Variants in ARL15 observed in about 807,000 individuals in gnomAD.
The protein encoded by ARL15 is ADP-ribosylation factor-like protein 15.
Under a neutral mutation model 25.2 loss-of-function variants are expected in ARL15, and 19 were observed. The observed-to-expected ratio is 0.75, with a 90% confidence interval of 0.53 to 1.10. The LOEUF (loss-of-function observed/expected upper bound fraction) is 1.10, where lower values mean the gene tolerates loss of function less well. Among genes scored for constraint, ARL15 ranks in the 50% least tolerant of loss-of-function variants. The pLI is 0.00. For synonymous variants in ARL15, 94 were observed against 86.8 expected (o/e 1.08, Z -0.46); for missense variants, 220 against 246.0 (o/e 0.89, Z 0.71).
At chr5:54,232,198 G>A (rs1196314527) in intron 1 of ARL15, among the ~76,000 whole-genome samples, 2 of 152,086 alleles carry the variant, frequency 1.3e-5, no homozygotes, top group Non-Finnish European at 1.5e-5. Flanking sequence ...TCTGGGATTA[G>A]AGGCCCTCAC....
chr5:54,036,419 T>C (rs1387647995), intron 4 of ARL15, among the ~76,000 whole-genome samples: 1 of 152,148 alleles, frequency 6.6e-6, no homozygotes, highest in Non-Finnish European at 1.5e-5. Flanking sequence ...ATATAGTCCA[T>C]CCAATTTCTA....
chr5:54,027,406 CAGGTGTGATCCCTA>C (rs1232643527), intron 4 of ARL15, among the ~76,000 whole-genome samples: 2 of 152,310 alleles, frequency 1.3e-5, no homozygotes, highest in South Asian at 4.1e-4. Flanking sequence ...TAATGAAATT[CAGGTGTGATCCCTA>C]AGGCTCTGCA....
At chr5:54,011,019 C>A (rs1749224349) in intron 4 of ARL15, among the ~76,000 whole-genome samples, 1 of 148,124 alleles carries the variant, frequency 6.8e-6, no homozygotes. Flanking sequence ...AAAAAAAAAT[C>A]AGCTCTCACA....
intron 3 of ARL15, among the ~76,000 whole-genome samples, chr5:54,127,299 T>A (rs543713793): frequency 1.3e-5 from 2 of 152,170 alleles, no homozygotes; most frequent in Non-Finnish European, 2.9e-5. Context: ...CTCCTTAAGC[T>A]GATAAGCAAC....
At chr5:54,150,653 C>T (rs187642429) in intron 3 of ARL15, among the ~76,000 whole-genome samples, 32 of 151,926 alleles carry the variant, frequency 2.1e-4, no homozygotes, top group Middle Eastern at 3.4e-3. Context: ...CAAAAATTAG[C>T]GACGTGCGGT....
chr5:53,964,183 T>C (rs1246219102), intron 4 of ARL15, among the ~76,000 whole-genome samples: 1 of 152,168 alleles, frequency 6.6e-6, no homozygotes, highest in Admixed American at 6.5e-5. Flanking sequence ...CACTCATTTG[T>C]CATCCCTTTT....
intron 4 of ARL15, among the ~76,000 whole-genome samples, chr5:54,055,515 C>G (rs1452705317): frequency 2.0e-5 from 3 of 152,004 alleles, no homozygotes; most frequent in Non-Finnish European, 2.9e-5. Flanking sequence ...CATATGTCAA[C>G]AAGTCCAGCT....
intron 4 of ARL15, among the ~76,000 whole-genome samples, chr5:54,029,319 A>G (rs1017071096): frequency 8.4e-6 from 1 of 119,476 alleles, no homozygotes; most frequent in Non-Finnish European, 1.7e-5. Context: ...CACCACCACC[A>G]CCACCACCAC....
intron 4 of ARL15, among the ~76,000 whole-genome samples, chr5:54,094,534 C>T (rs1275862192): frequency 1.3e-5 from 2 of 151,842 alleles, no homozygotes; most frequent in African/African-American, 4.8e-5. Context: ...TAACTATTAC[C>T]ATTTTCTCTT....
At chr5:54,218,698 G>A (rs1434357727) in intron 1 of ARL15, among the ~76,000 whole-genome samples, 4 of 152,058 alleles carry the variant, frequency 2.6e-5, no homozygotes, top group Non-Finnish European at 4.4e-5. Flanking sequence ...ACATACCAAA[G>A]ACGGCAATGG....
chr5:54,007,533 G>A lies in ARL15; in HGVS notation c.462+105669C>T, dbSNP rs546671558. 6.6e-5 allele frequency among the ~76,000 whole-genome samples: 10 copies of A among 152,072 alleles called. No individual in the cohort carries two copies. The East Asian group carries it at 1.5e-3, about 24-fold the overall frequency. On this transcript the variant is annotated intron_variant, in intron 4 of 4. Coordinates refer to ENST00000504924, the MANE Select transcript of ARL15 (RefSeq NM_019087.3). Reference sequence around the variant, plus strand: ...ATTTTAAAAGAAAGAGTGGCCAGGCGCGGTGGCTCATGCCTGTAATCCTAG... The same window carrying A: ...ATTTTAAAAGAAAGAGTGGCCAGGCACGGTGGCTCATGCCTGTAATCCTAG...
chr5:53,927,461 T>G (rs1231394352), intron 4 of ARL15, among the ~76,000 whole-genome samples: 1 of 152,206 alleles, frequency 6.6e-6, no homozygotes, highest in African/African-American at 2.4e-5. Context: ...TATTTCCTGC[T>G]TAAGCACCTG....
chr5:53,937,128 G>A (rs111324462), intron 4 of ARL15, among the ~76,000 whole-genome samples: 3,988 of 152,226 alleles, frequency 0.026, 75 homozygotes, highest in Non-Finnish European at 0.04. Flanking sequence ...AGAGTTCTCC[G>A]TCCCCGGAGG....
chr5:53,948,506 A>G (rs946624929), intron 4 of ARL15, among the ~76,000 whole-genome samples: 2 of 152,224 alleles, frequency 1.3e-5, no homozygotes, highest in Non-Finnish European at 2.9e-5. Flanking sequence ...CCTACACCCT[A>G]TTCTTATTCA....
chr5:53,969,220 A>G (rs1373019935), intron 4 of ARL15, among the ~76,000 whole-genome samples: 1 of 152,166 alleles, frequency 6.6e-6, no homozygotes, highest in South Asian at 2.1e-4. Flanking sequence ...GTAACTATAT[A>G]TTTACATAAT....
chr5:54,194,185 C>T (rs1010091920), intron 1 of ARL15, among the ~76,000 whole-genome samples: 1 of 152,082 alleles, frequency 6.6e-6, no homozygotes, highest in Non-Finnish European at 1.5e-5. Context: ...AAAGCTATAA[C>T]TTCAATCAAA....
intron 1 of ARL15, among the ~76,000 whole-genome samples, chr5:54,304,824 G>A (rs1053971653): frequency 1.3e-5 from 2 of 151,842 alleles, no homozygotes; most frequent in African/African-American, 4.8e-5. Flanking sequence ...GATATTCAGG[G>A]TTAAAAACAA....
intron 4 of ARL15, among the ~76,000 whole-genome samples, chr5:54,081,736 C>T (rs893059496): frequency 3.3e-5 from 5 of 152,162 alleles, no homozygotes; most frequent in African/African-American, 7.2e-5. Context: ...CTATGCTGCA[C>T]TGTGAGTCAA....
intron 4 of ARL15, among the ~76,000 whole-genome samples, chr5:54,031,295 A>G (rs1461015579): frequency 6.6e-6 from 1 of 152,202 alleles, no homozygotes; most frequent in Non-Finnish European, 1.5e-5. Flanking sequence ...TCAGACCATT[A>G]AAGTAATGCC....
Sources: allele counts gnomAD v4.1 joint callset (sites outside exome capture counted in the v4.1 genomes callset), GRCh38; gene constraint gnomAD v4.1.1; transcripts MANE v1.5; gene names NCBI Gene and HGNC (gene_info 2026-07-23, HGNC 2026-07-21).